L2HGDH: variants seen among roughly 807,000 people sequenced by gnomAD.
The protein encoded by L2HGDH is L-2-hydroxyglutarate dehydrogenase, also known as L-2-hydroxyglutarate dehydrogenase, mitochondrial.
A neutral mutation model predicts 51.5 loss-of-function variants in L2HGDH; 34 were observed. The observed-to-expected ratio is 0.66, with a 90% CI of 0.50 to 0.88. The LOEUF (loss-of-function observed/expected upper bound fraction) is 0.88. Ranked by LOEUF, L2HGDH falls within the 40% of genes least tolerant of loss-of-function variation. The pLI is 0.00. For synonymous variants in L2HGDH, 198 were observed against 197.9 expected, an observed-to-expected ratio of 1.00 and a Z score of -0.01; for missense variants, 558 against 571.9, an observed-to-expected ratio of 0.98 and a Z score of 0.25.
intron 6 of L2HGDH, among the ~76,000 whole-genome samples, chr14:50,269,643 GT>G (rs944738717): frequency 5.3e-5 from 8 of 152,062 alleles, no homozygotes; most frequent in Non-Finnish European, 1.5e-5. Flanking sequence ...ATACAAATCT[GT>G]TTATTAGGAC....
chr14:50,296,371 T>TC (rs2030048210), intron 3 of L2HGDH, among the ~76,000 whole-genome samples: 1 of 9,826 alleles, frequency 1.0e-4, no homozygotes, highest in South Asian at 1.9e-3. Context: ...AGACCCTGTC[T>TC]CAAAAAAAAA....
chr14:50,265,342 T>G lies in L2HGDH; in HGVS notation c.1196+16A>C, dbSNP rs747160991. On this transcript the variant is annotated intron_variant, in intron 9 of 9. Coordinates refer to ENST00000267436, the MANE Select transcript of L2HGDH (RefSeq NM_024884.3). The stretch of plus-strand genomic sequence containing the variant: ...AGGTCAGGACTGTATTTACACTCCT[T>G]ATCCCTTTTCCTTACCTAAGTATAT... 1.1e-5 allele frequency: 17 copies of G among 1,606,066 alleles called. No individual in the cohort carries two copies. In the East Asian group the frequency reaches 3.8e-4, roughly 36 times the overall value.
At chr14:50,294,496 C>T (rs2029914399) in intron 3 of L2HGDH, among the ~76,000 whole-genome samples, 1 of 151,900 alleles carries the variant, frequency 6.6e-6, no homozygotes, top group South Asian at 2.1e-4. Flanking sequence ...CTTCAATTTC[C>T]ACTTCTGTTA....
chr14:50,302,224 G>A, intron 2 of L2HGDH, 56 bp from the exon 3 acceptor site: 5 of 1,574,154 alleles, frequency 3.2e-6, no homozygotes, highest in Non-Finnish European at 3.5e-6. Context: ...CAAAACATAA[G>A]AGGTAAGAGA....
In L2HGDH at chr14:50,244,991, C is replaced by A; in HGVS notation, c.*2067G>T. 1 of 985,326 alleles carries A rather than the reference C, an allele frequency of 1.0e-6. No individual in the cohort carries two copies. The highest frequency in any genetic ancestry group is 1.2e-6 in the Non-Finnish European group (1 of 829,690). 61.0% of individuals were successfully genotyped at this position (985,326 alleles called of 1,614,324 possible). A position where few individuals can be genotyped will look rare whatever the true frequency, so the allele number is the denominator to read the frequency against. On this transcript the variant is annotated 3_prime_UTR_variant, in exon 10 of 10. Transcript: ENST00000267436. ...TTCATTTACAATTTCTATTTTCTAA[C>A]TTTCTAAATTATAAGAATAATTTCG...
intron 6 of L2HGDH, among the ~76,000 whole-genome samples, chr14:50,270,022 G>T (rs979353370): frequency 1.4e-4 from 21 of 152,054 alleles, no homozygotes; most frequent in Non-Finnish European, 1.3e-4. Context: ...TTACTCTTCG[G>T]TTGCTTCACA....
intron 1 of L2HGDH, chr14:50,311,529 C>A: frequency 2.2e-6 from 1 of 452,798 alleles, no homozygotes; most frequent in Admixed American, 2.4e-5. Context: ...AGCATAAGAG[C>A]TGCCTCCGAC....
chr14:50,261,669 A>G (rs1259329181), intron 9 of L2HGDH, among the ~76,000 whole-genome samples: 1 of 151,990 alleles, frequency 6.6e-6, no homozygotes, highest in East Asian at 1.9e-4. Flanking sequence ...AAAATTGTAG[A>G]GATGGCATCT....
chr14:50,260,244 G>C (rs529872625), intron 9 of L2HGDH, among the ~76,000 whole-genome samples: 1 of 151,404 alleles, frequency 6.6e-6, no homozygotes, highest in Non-Finnish European at 1.5e-5. Flanking sequence ...CCTTTCTTCT[G>C]AGGGTATAGC....
At chr14:50,287,698 T>C (rs944543018) in intron 4 of L2HGDH, among the ~76,000 whole-genome samples, 4 of 134,818 alleles carry the variant, frequency 3.0e-5, no homozygotes, top group Non-Finnish European at 6.4e-5. Context: ...TTCCTTTTTT[T>C]TTTTTTTTTT....
intron 9 of L2HGDH, among the ~76,000 whole-genome samples, chr14:50,255,537 C>CAAAAAAAAAAAAAAAAAA (rs371804551): frequency 8.7e-6 from 1 of 114,794 alleles, no homozygotes. Context: ...ACTCCATCTC[C>CAAAAAAAAAAAAAAAAAA]AAAAAAAAAA....
At position 50,270,797 on chromosome 14, in the gene L2HGDH, C is replaced by T. The variant is rs911226744; in HGVS notation, c.739-1467G>A. ...CTGGGATTACAGGCGTGAGCCACCGCGCCCGGCCAGGCCTTACTGTTTAGC... is the reference window on the plus strand; with the variant it reads ...CTGGGATTACAGGCGTGAGCCACCGTGCCCGGCCAGGCCTTACTGTTTAGC... On this transcript the variant is annotated intron_variant, in intron 6 of 9. Coordinates refer to ENST00000267436, the MANE Select transcript of L2HGDH (RefSeq NM_024884.3). Among the ~76,000 whole-genome samples, 12 of 152,010 alleles carry T rather than the reference C, an allele frequency of 7.9e-5. No homozygotes were observed. In the East Asian group the frequency reaches 1.4e-3, roughly 17 times the overall value.
At chr14:50,251,283 G>C (rs1888333643) in intron 9 of L2HGDH, among the ~76,000 whole-genome samples, 1 of 152,100 alleles carries the variant, frequency 6.6e-6, no homozygotes, top group Non-Finnish European at 1.5e-5. Context: ...AGAAGAGTTT[G>C]TGAGCTGAAA....
At chr14:50,248,946 C>T (rs564364247) in intron 9 of L2HGDH, among the ~76,000 whole-genome samples, 2 of 152,160 alleles carry the variant, frequency 1.3e-5, no homozygotes, top group African/African-American at 4.8e-5. Context: ...CCCTCCCTCA[C>T]CCCCTAGCAG....
intron 4 of L2HGDH, among the ~76,000 whole-genome samples, chr14:50,287,897 C>T (rs1007592266): frequency 1.3e-5 from 2 of 151,784 alleles, no homozygotes; most frequent in East Asian, 1.9e-4. Context: ...GGGGTTTAAC[C>T]GTGTTTGCCA....
Position 50,244,568 on chromosome 14 carries a change from CATT to C in L2HGDH, c.*2487_*2489del, listed in dbSNP as rs1244969792. The C allele has an allele frequency of 1.0e-6, 1 of 985,268 alleles. No homozygotes were observed. Among genetic ancestry groups the C allele is most frequent in the East Asian group, 1.1e-4 (1 of 8,828 alleles). The allele number at this position is 985,268 out of a possible 1,614,324, so 61.0% of individuals were successfully genotyped here. A position where few individuals can be genotyped will look rare whatever the true frequency, so the allele number is the denominator to read the frequency against. ...GCAGGAATCAGCTGTTATAAAGAAA[CATT>C]AGGGCTTGTTTCTTCTGTCATTGAT... is the stretch of plus-strand genomic sequence containing the variant. On this transcript the variant is annotated 3_prime_UTR_variant, in exon 10 of 10. Transcript: ENST00000267436.
intron 9 of L2HGDH, among the ~76,000 whole-genome samples, chr14:50,264,934 C>T (rs1889254554): frequency 1.3e-5 from 2 of 152,050 alleles, no homozygotes; most frequent in Non-Finnish European, 2.9e-5. Flanking sequence ...TGCTTATTAC[C>T]TAATTAGTTA....
chr14:50,301,035 G>A (rs149456799), intron 3 of L2HGDH, among the ~76,000 whole-genome samples: 12 of 152,094 alleles, frequency 7.9e-5, no homozygotes, highest in Admixed American at 2.6e-4. Flanking sequence ...TATGTTGCCC[G>A]AGCTGGTCTC....
At position 50,244,783 on chromosome 14, in the gene L2HGDH, T is replaced by C. The variant is rs1887927415; in HGVS notation, c.*2275A>G. The C allele has an allele frequency of 1.0e-6, 1 of 985,272 alleles. No homozygotes were observed. The highest frequency in any genetic ancestry group is 1.7e-5 in the African/African-American group (1 of 57,222). 61.0% of individuals were successfully genotyped at this position (985,272 alleles called of 1,614,324 possible). On this transcript the variant is annotated 3_prime_UTR_variant, in exon 10 of 10. Transcript: ENST00000267436. ...GAAAAGGAAGAAAACAGAAACATTT[T>C]TCCTATCAACCAAAATGCACATCCT...
Sources: allele counts gnomAD v4.1 joint callset (sites outside exome capture counted in the v4.1 genomes callset), GRCh38; gene constraint gnomAD v4.1.1; transcripts MANE v1.5; gene names NCBI Gene and HGNC (gene_info 2026-07-23, HGNC 2026-07-21).